The following TSPAN5 variants were observed in gnomAD, a reference collection of about 807,000 sequenced individuals.
The protein encoded by TSPAN5 is tetraspanin-5.
In TSPAN5, 10 loss-of-function variants were observed where a neutral mutation model predicts 37.1. The ratio of observed to expected loss-of-function variants is 0.27; its 90% CI spans 0.17 to 0.46. TSPAN5 has a LOEUF of 0.46. Among genes scored for constraint, TSPAN5 ranks in the 20% least tolerant of loss-of-function variants. The probability of loss-of-function intolerance (pLI) is 1.00; values close to 1 mark genes in which losing one functional copy is unlikely to be tolerated. For missense variants in TSPAN5, 195 were observed against 326.6 expected, an observed-to-expected ratio of 0.60 and a Z score of 3.11; for synonymous variants, 110 against 118.9, an observed-to-expected ratio of 0.93 and a Z score of 0.48.
chr4:98,494,402 C>A lies in TSPAN5; in HGVS notation c.133-7518G>T, dbSNP rs116807410. ...ATACAGACTAGCTTGTCTTGAATCC[C>A]AATGCTAAGCCAAATTGAGGCTTAG... On this transcript the variant is annotated intron_variant, in intron 2 of 7. Coordinates refer to ENST00000305798, the MANE Select transcript of TSPAN5 (RefSeq NM_005723.4). Among the ~76,000 whole-genome samples, 556 of 150,576 alleles carry A rather than the reference C, an allele frequency of 3.7e-3. 5 individuals are homozygous for A. Among genetic ancestry groups the A allele is most frequent in the African/African-American group, 0.013 (538 of 41,004 alleles).
At chr4:98,572,965 T>C (rs757221575) in intron 1 of TSPAN5, among the ~76,000 whole-genome samples, 1 of 152,232 alleles carries the variant, frequency 6.6e-6, no homozygotes, top group Non-Finnish European at 1.5e-5. Flanking sequence ...CATCTGTCTC[T>C]AAGTCCTCAT....
At chr4:98,652,752 C>T in intron 1 of TSPAN5, among the ~76,000 whole-genome samples, 1 of 152,198 alleles carries the variant, frequency 6.6e-6, no homozygotes, top group East Asian at 1.9e-4. Context: ...GTGAAAAGTT[C>T]TGTTAAAAAT....
At chr4:98,544,136 C>T (rs995418058) in intron 1 of TSPAN5, among the ~76,000 whole-genome samples, 1 of 152,170 alleles carries the variant, frequency 6.6e-6, no homozygotes, top group Non-Finnish European at 1.5e-5. Context: ...GCTATGATCA[C>T]ACCACTGCAC....
intron 1 of TSPAN5, among the ~76,000 whole-genome samples, chr4:98,651,468 T>G (rs1170360921): frequency 6.6e-6 from 1 of 152,218 alleles, no homozygotes; most frequent in African/African-American, 2.4e-5. Flanking sequence ...CATTGGTAAT[T>G]TCCTGGCTTT....
intron 7 of TSPAN5, among the ~76,000 whole-genome samples, chr4:98,474,919 A>G (rs1752662423): frequency 6.6e-6 from 1 of 152,236 alleles, no homozygotes; most frequent in African/African-American, 2.4e-5. Flanking sequence ...GGCTCAAGCC[A>G]TCCTCCTGCC....
At chr4:98,634,643 C>A (rs1372917108) in intron 1 of TSPAN5, among the ~76,000 whole-genome samples, 2 of 152,160 alleles carry the variant, frequency 1.3e-5, no homozygotes, top group African/African-American at 4.8e-5. Context: ...ATACCACCTC[C>A]TTTTCTTGAA....
At position 98,507,575 on chromosome 4, in the gene TSPAN5, T is replaced by C. The variant is rs368267916; in HGVS notation, c.132+103A>G. ...AACACTTTTTCTTGTTAAAGAGCCATGTTTATACTCTGTGGTTGTCAAAGA... is the reference window on the plus strand; with the variant it reads ...AACACTTTTTCTTGTTAAAGAGCCACGTTTATACTCTGTGGTTGTCAAAGA... On this transcript the variant is annotated intron_variant, in intron 2 of 7. Coordinates refer to ENST00000305798, the MANE Select transcript of TSPAN5 (RefSeq NM_005723.4). 379 of 812,398 alleles carry C rather than the reference T, an allele frequency of 4.7e-4. 2 individuals are homozygous for C. The African/African-American group carries it at 6.1e-3, about 13-fold the overall frequency. 50.3% of individuals were successfully genotyped at this position (812,398 alleles called of 1,614,324 possible). A position where few individuals can be genotyped will look rare whatever the true frequency, so the allele number is the denominator to read the frequency against.
chr4:98,491,147 A>G (rs929979267), intron 2 of TSPAN5, among the ~76,000 whole-genome samples: 2 of 152,210 alleles, frequency 1.3e-5, no homozygotes, highest in Non-Finnish European at 2.9e-5. Flanking sequence ...AAATCTGGCT[A>G]GTTAGCATGT....
At chr4:98,503,650 T>C (rs1753407880) in intron 2 of TSPAN5, among the ~76,000 whole-genome samples, 1 of 152,208 alleles carries the variant, frequency 6.6e-6, no homozygotes, top group Non-Finnish European at 1.5e-5. Flanking sequence ...CCATTAAACA[T>C]ATATACACCC....
In TSPAN5 at chr4:98,472,395, C is replaced by G; in HGVS notation, c.*127G>C. On this transcript the variant is annotated 3_prime_UTR_variant, in exon 8 of 8. Coordinates refer to ENST00000305798, the MANE Select transcript of TSPAN5 (RefSeq NM_005723.4). ...CAGTTTTACACTCCCCTAATGGCAG[C>G]TCCATTAGGCGAGACTGCAGGCTGC... 3 of 678,638 alleles carry G rather than the reference C, an allele frequency of 4.4e-6. No individual in the cohort carries two copies. 42.0% of individuals were successfully genotyped at this position (678,638 alleles called of 1,614,324 possible).
intron 1 of TSPAN5, among the ~76,000 whole-genome samples, chr4:98,581,855 T>C (rs1755376559): frequency 6.6e-6 from 1 of 152,236 alleles, no homozygotes; most frequent in African/African-American, 2.4e-5. Context: ...TTAGACTGAC[T>C]AGAAGTTGAA....
chr4:98,629,793 A>G (rs1756700827), intron 1 of TSPAN5, among the ~76,000 whole-genome samples: 2 of 152,252 alleles, frequency 1.3e-5, no homozygotes, highest in Non-Finnish European at 2.9e-5. Flanking sequence ...GACTGTTGCT[A>G]TTCACAAAGG....
chr4:98,512,874 C>T (rs548054398), intron 1 of TSPAN5, among the ~76,000 whole-genome samples: 1 of 152,288 alleles, frequency 6.6e-6, no homozygotes, highest in African/African-American at 2.4e-5. Flanking sequence ...AATGAGCATA[C>T]AGTCCAGTAA....
intron 1 of TSPAN5, among the ~76,000 whole-genome samples, chr4:98,642,260 G>A (rs1219115927): frequency 2.0e-5 from 3 of 152,170 alleles, no homozygotes; most frequent in Non-Finnish European, 4.4e-5. Context: ...ATCACAGAAA[G>A]AAGGGGGCAG....
Position 98,482,006 on chromosome 4 carries a change from T to C in TSPAN5, c.449A>G (p.Tyr150Cys). Residue 150 changes from tyrosine to cysteine, a missense_variant and splice_region_variant, in exon 4 of 8, where the codon TAT (tyrosine) becomes TGT (cysteine). Tyr to Cys is a radical substitution (Grantham distance 194). Coordinates refer to ENST00000305798, the MANE Select transcript of TSPAN5 (RefSeq NM_005723.4). ...GAAAACAAACCACTTTAAACTTACATATTCCTGGGTGAAGTCTATGAGGTT... is the reference window on the plus strand; with the variant it reads ...GAAAACAAACCACTTTAAACTTACACATTCCTGGGTGAAGTCTATGAGGTT... ...LQNLIDFTQE[Y>C]WQCCGAFGAD... is the part of the protein sequence containing the mutation. 6.2e-7 allele frequency: 1 copy of C among 1,613,670 alleles called. No homozygotes were observed. The highest frequency in any genetic ancestry group is 2.2e-5 in the East Asian group (1 of 44,860).
intron 1 of TSPAN5, among the ~76,000 whole-genome samples, chr4:98,539,306 C>G (rs1190000376): frequency 6.6e-6 from 1 of 152,160 alleles, no homozygotes; most frequent in Non-Finnish European, 1.5e-5. Context: ...GGTCCAGGAG[C>G]CATGAGCTTC....
In TSPAN5 at chr4:98,478,823, G is replaced by A; in HGVS notation, c.451-13C>T. 2 of 1,612,722 alleles carry A rather than the reference G, an allele frequency of 1.2e-6. No homozygotes were observed. Among genetic ancestry groups the A allele is most frequent in the Non-Finnish European group, 1.7e-6 (2 of 1,179,826 alleles). ...CACAGCACTGCCACTAGAGCAAACA[G>A]GAAAGAATTAGAACATCCCAACTTG... is the stretch of plus-strand genomic sequence containing the variant. On this transcript the variant is annotated splice_polypyrimidine_tract_variant and intron_variant, in intron 4 of 7. Transcript: ENST00000305798.
At chr4:98,658,009 C>T (rs13111424) in intron 1 of TSPAN5, 137 bp downstream of exon 1, 6 of 785,518 alleles carry the variant, frequency 7.6e-6, no homozygotes, top group Non-Finnish European at 1.1e-5. Context: ...GCTGGAAAGG[C>T]GGAAGGCGAA....
At position 98,548,508 on chromosome 4, in the gene TSPAN5, AT is replaced by A. The variant is rs528773051; in HGVS notation, c.82-40781del. ...GGTACCAGCTAATGGCACAGTGGCA[AT>A]TTTTTTTTTAATTTTTAAAATTTAA... On this transcript the variant is annotated intron_variant, in intron 1 of 7. Transcript: ENST00000305798. Among the ~76,000 whole-genome samples the A allele has an allele frequency of 4.9e-3, 733 of 150,658 alleles. 6 individuals are homozygous for A. The highest frequency in any genetic ancestry group is 0.014 in the Middle Eastern group (4 of 292).
Sources: allele counts gnomAD v4.1 joint callset (sites outside exome capture counted in the v4.1 genomes callset), GRCh38; gene constraint gnomAD v4.1.1; transcripts MANE v1.5; gene names NCBI Gene and HGNC (gene_info 2026-07-23, HGNC 2026-07-21).